Variants in CEP112 observed in about 807,000 individuals in gnomAD.
The protein encoded by CEP112 is centrosomal protein 112.
A neutral mutation model predicts 153.0 loss-of-function variants in CEP112; 127 were observed. The observed-to-expected ratio is 0.83, with a 90% CI of 0.72 to 0.96. The LOEUF (loss-of-function observed/expected upper bound fraction) is 0.96. Ranked by LOEUF, CEP112 falls within the 40% of genes least tolerant of loss-of-function variation. The probability of loss-of-function intolerance (pLI) is 0.00; values close to 1 mark genes in which losing one functional copy is unlikely to be tolerated. For missense variants in CEP112, 1,089 were observed against 1,101.2 expected (o/e 0.99, Z 0.16); for synonymous variants, 358 against 374.4 (o/e 0.96, Z 0.51).
intron 6 of CEP112, 84 bp from the exon 7 acceptor site, chr17:66,096,716 G>T: frequency 1.2e-6 from 1 of 843,684 alleles, no homozygotes; most frequent in Non-Finnish European, 1.9e-6. Context: ...GAATTAAGCT[G>T]CCATATGAAA....
At chr17:65,777,826 T>C (rs1567999300) in intron 21 of CEP112, among the ~76,000 whole-genome samples, 2 of 152,236 alleles carry the variant, frequency 1.3e-5, no homozygotes, top group African/African-American at 2.4e-5. Context: ...TTCAAAGGAC[T>C]AAATGACTCA....
chr17:66,180,050 T>C (rs1325181144), intron 2 of CEP112, among the ~76,000 whole-genome samples: 1 of 152,186 alleles, frequency 6.6e-6, no homozygotes, highest in Non-Finnish European at 1.5e-5. Flanking sequence ...TTGGTCATGA[T>C]GAATGATCTT....
chr17:66,024,792 C>A (rs1224491783), intron 16 of CEP112, among the ~76,000 whole-genome samples: 1 of 151,996 alleles, frequency 6.6e-6, no homozygotes, highest in Non-Finnish European at 1.5e-5. Flanking sequence ...TTAGAAAAAA[C>A]AATCCTCAAA....
intron 11 of CEP112, among the ~76,000 whole-genome samples, chr17:66,059,346 T>C (rs1478485933): frequency 6.6e-6 from 1 of 152,136 alleles, no homozygotes; most frequent in Non-Finnish European, 1.5e-5. Context: ...CAAAAGAAAC[T>C]ATCAAGTAAA....
chr17:65,842,841 T>A (rs868002543), intron 21 of CEP112, among the ~76,000 whole-genome samples: 89 of 152,286 alleles, frequency 5.8e-4, no homozygotes, highest in African/African-American at 2.0e-3. Context: ...TTTGTCAAAG[T>A]AACAACAAAA....
At chr17:65,768,908 A>G (rs2053170319) in intron 21 of CEP112, among the ~76,000 whole-genome samples, 1 of 152,094 alleles carries the variant, frequency 6.6e-6, no homozygotes, top group Non-Finnish European at 1.5e-5. Flanking sequence ...ACTTCTACTT[A>G]GCAGAGTACT....
At chr17:66,102,667 G>A (rs917276777) in intron 6 of CEP112, among the ~76,000 whole-genome samples, 7 of 151,032 alleles carry the variant, frequency 4.6e-5, no homozygotes, top group East Asian at 2.0e-4. Context: ...GTGTGGTGGC[G>A]GGCACCTGTA....
chr17:65,957,837 A>G (rs536336617), intron 18 of CEP112, among the ~76,000 whole-genome samples: 1 of 152,138 alleles, frequency 6.6e-6, no homozygotes, highest in Non-Finnish European at 1.5e-5. Context: ...TTTAAACATT[A>G]CAAAATTATT....
At chr17:66,049,412 T>G (rs1268290487) in intron 12 of CEP112, among the ~76,000 whole-genome samples, 2 of 152,186 alleles carry the variant, frequency 1.3e-5, no homozygotes, top group Non-Finnish European at 2.9e-5. Flanking sequence ...AGATAAATTA[T>G]GAGAACAGAT....
At chr17:66,011,582 G>A (rs1397530997) in intron 16 of CEP112, among the ~76,000 whole-genome samples, 1 of 152,102 alleles carries the variant, frequency 6.6e-6, no homozygotes, top group African/African-American at 2.4e-5. Context: ...GTCCAAGAGT[G>A]TAGCTGGTAT....
chr17:65,957,351 A>G (rs1490130738), intron 18 of CEP112, among the ~76,000 whole-genome samples: 3 of 152,222 alleles, frequency 2.0e-5, no homozygotes, highest in Non-Finnish European at 4.4e-5. Flanking sequence ...AGAAAAATAT[A>G]TGAAAACATC....
rs538144924 is a variant in CEP112, at chr17:66,041,802, T to C, written c.1219-11779A>G. 1.3e-3 allele frequency among the ~76,000 whole-genome samples: 195 copies of C among 152,178 alleles called. 2 individuals are homozygous for C. Among genetic ancestry groups the C allele is most frequent in the African/African-American group, 4.5e-3 (185 of 41,526 alleles). On this transcript the variant is annotated intron_variant, in intron 12 of 26. Coordinates refer to ENST00000535342, the MANE Select transcript of CEP112 (RefSeq NM_001199165.4). Reference sequence around the variant, plus strand: ...TTCTCATATTAGTATGAATAAATAATAGAATAAATTGATAAATAAGGAGAA... The same window carrying C: ...TTCTCATATTAGTATGAATAAATAACAGAATAAATTGATAAATAAGGAGAA...
intron 17 of CEP112, among the ~76,000 whole-genome samples, chr17:65,992,889 A>T (rs567889422): frequency 7.2e-5 from 11 of 152,070 alleles, no homozygotes; most frequent in Non-Finnish European, 1.6e-4. Flanking sequence ...TCCTGGGTAA[A>T]CTGGAAGGCT....
At chr17:66,145,328 T>C (rs1440377595) in intron 4 of CEP112, among the ~76,000 whole-genome samples, 9 of 152,204 alleles carry the variant, frequency 5.9e-5, no homozygotes, top group African/African-American at 2.2e-4. Flanking sequence ...TCTCCCATTC[T>C]GTACCCTGCC....
chr17:65,656,798 T>C (rs4790928), intron 24 of CEP112, among the ~76,000 whole-genome samples: 70,479 of 152,068 alleles, frequency 0.46, 16,451 homozygotes, highest in Middle Eastern at 0.55. Flanking sequence ...TGGCATATGG[T>C]AGCAACTCAA....
intron 6 of CEP112, among the ~76,000 whole-genome samples, chr17:66,128,026 C>T (rs895182423): frequency 2.0e-5 from 3 of 152,072 alleles, no homozygotes; most frequent in East Asian, 1.9e-4. Context: ...AACGGCCAGG[C>T]GCGGTGGCCC....
chr17:66,050,798 T>C (rs987215920), intron 12 of CEP112, among the ~76,000 whole-genome samples: 8 of 152,186 alleles, frequency 5.3e-5, no homozygotes, highest in Admixed American at 3.3e-4. Context: ...ACTGCTGATT[T>C]AGGGTTATGC....
At chr17:66,014,723 C>T (rs1384949217) in intron 16 of CEP112, among the ~76,000 whole-genome samples, 1 of 152,160 alleles carries the variant, frequency 6.6e-6, no homozygotes, top group African/African-American at 2.4e-5. Context: ...AGGAAGAAGA[C>T]CCAGTGTGTG....
rs747487125 is a variant in CEP112 at position 65,961,546 on chromosome 17, G to A, written c.1789C>T (p.Gln597Ter). ...TCTTCCAGAGCGGCATCTGCCTGCT[G>A]GGCCTGCAACCTCTGAACTTCAGTC... is the stretch of plus-strand genomic sequence containing the variant. ...RVTEVQRLQAQQADAALEEFK... is the reference protein window; with the variant it reads ...RVTEVQRLQA The change falls in exon 18 of 27, where the codon CAG (glutamine) becomes TAG (stop). Residue 597 changes from glutamine to a stop codon, truncating the protein, a stop_gained. Coordinates refer to ENST00000535342, the MANE Select transcript of CEP112 (RefSeq NM_001199165.4). LOFTEE classifies it high-confidence loss of function. The A allele has an allele frequency of 1.2e-6, 2 of 1,613,562 alleles. No homozygotes were observed. The highest frequency in any genetic ancestry group is 1.3e-5 in the African/African-American group (1 of 75,026).
Sources: allele counts gnomAD v4.1 joint callset (sites outside exome capture counted in the v4.1 genomes callset), GRCh38; gene constraint gnomAD v4.1.1; transcripts MANE v1.5; gene names NCBI Gene and HGNC (gene_info 2026-07-23, HGNC 2026-07-21).